The following CHAF1A variants were observed in gnomAD, a reference collection of about 807,000 sequenced individuals.
CHAF1A encodes chromatin assembly factor 1 subunit A.
CHAF1A carries 5 observed loss-of-function variants against 93.2 expected under a neutral mutation model. The observed-to-expected ratio is 0.05, with a 90% CI of 0.03 to 0.11. The LOEUF is 0.11. CHAF1A is among the 10% of genes least tolerant of loss of function. CHAF1A has a pLI of 1.00. For missense variants in CHAF1A, 1,102 were observed against 1,259.9 expected, an observed-to-expected ratio of 0.87 and a Z score of 1.90; for synonymous variants, 504 against 510.3, an observed-to-expected ratio of 0.99 and a Z score of 0.17.
At chr19:4,448,256 A>G (rs904470368), downstream of CHAF1A, 24 of 1,442,228 alleles carry the variant, frequency 1.7e-5, no homozygotes, top group Non-Finnish European at 2.2e-5. Flanking sequence ...TGACAGCCCC[A>G]GTGGGAGGGG....
intron 1 of CHAF1A, among the ~76,000 whole-genome samples, chr19:4,404,010 G>T (rs929859330): frequency 6.6e-6 from 1 of 151,638 alleles, no homozygotes; most frequent in Non-Finnish European, 1.5e-5. Flanking sequence ...TAGTAGAGAC[G>T]GGGTTTCACC....
downstream of CHAF1A, chr19:4,445,565 G>T (rs764795659): frequency 2.5e-6 from 4 of 1,613,832 alleles, no homozygotes; most frequent in East Asian, 2.2e-5. Context: ...GGCCCCCGCG[G>T]CCTTGATGTC....
In CHAF1A at chr19:4,402,740, G is replaced by A; in HGVS notation, c.-23G>A. 8.3e-7 allele frequency: 1 copy of A among 1,200,088 alleles called. No individual in the cohort carries two copies. Among genetic ancestry groups the A allele is most frequent in the East Asian group, 3.5e-5 (1 of 28,764 alleles). The allele number at this position is 1,200,088 out of a possible 1,614,324, so 74.3% of individuals were successfully genotyped here. A position where few individuals can be genotyped will look rare whatever the true frequency, so the allele number is the denominator to read the frequency against. On this transcript the variant is annotated 5_prime_UTR_variant, in exon 1 of 15. Transcript: ENST00000301280. ...AGCCCGCGCCTCCGCCGCCTGAGAG[G>A]AGGTCGAGCTGCCGCCGGGGCGATG...
downstream of CHAF1A, chr19:4,445,713 C>T (rs1322757185): frequency 2.6e-6 from 4 of 1,545,968 alleles, no homozygotes; most frequent in Non-Finnish European, 3.5e-6. Context: ...GCGGGGATGC[C>T]CCGGCCTGGA....
intron 1 of CHAF1A, among the ~76,000 whole-genome samples, chr19:4,404,925 C>T (rs1221121398): frequency 2.6e-5 from 4 of 152,134 alleles, no homozygotes; most frequent in African/African-American, 7.2e-5. Flanking sequence ...GCCTGGCAAG[C>T]TCAAAGTGCT....
At chr19:4,410,928 T>C (rs16992381) in intron 3 of CHAF1A, among the ~76,000 whole-genome samples, 7,278 of 152,288 alleles carry the variant, frequency 0.048, 374 homozygotes, top group African/African-American at 0.13. Flanking sequence ...AGCACAATGG[T>C]GTCCTTAAGG....
downstream of CHAF1A, chr19:4,450,004 C>T (rs1003661091): frequency 5.3e-5 from 8 of 151,950 alleles, no homozygotes; most frequent in East Asian, 1.9e-4. Flanking sequence ...CCGAGGCGGT[C>T]GGATCACGAG....
At chr19:4,412,858 C>T (rs1407564250) in intron 3 of CHAF1A, among the ~76,000 whole-genome samples, 1 of 152,134 alleles carries the variant, frequency 6.6e-6, no homozygotes, top group Non-Finnish European at 1.5e-5. Context: ...TGGCAGAAAG[C>T]GGCCACAACC....
downstream of CHAF1A, chr19:4,446,156 ACCCGTACACCGCC>A: frequency 7.5e-6 from 12 of 1,609,916 alleles, no homozygotes; most frequent in Non-Finnish European, 1.0e-5. Flanking sequence ...TCCCGGACGA[ACCCGTACACCGCC>A]CCCAGCCGCT....
At chr19:4,446,325 T>A, downstream of CHAF1A, 1 of 1,575,082 alleles carries the variant, frequency 6.3e-7, no homozygotes, top group Non-Finnish European at 8.6e-7. Context: ...CGCAGCAGCG[T>A]GTAGTTGTAC....
chr19:4,445,157 A>C, downstream of CHAF1A: 11 of 290,178 alleles, frequency 3.8e-5, no homozygotes, highest in Non-Finnish European at 6.0e-5. Flanking sequence ...GCACACGGGA[A>C]CAGGACCCAT....
intron 7 of CHAF1A, among the ~76,000 whole-genome samples, 177 bp from the exon 8 acceptor site, chr19:4,428,487 C>T (rs928425540): frequency 1.3e-5 from 2 of 152,170 alleles, no homozygotes; most frequent in Non-Finnish European, 2.9e-5. Flanking sequence ...TGCCAATCTG[C>T]CCTCTGCCCT....
chr19:4,438,607 C>T (rs948410970), intron 13 of CHAF1A, among the ~76,000 whole-genome samples: 54 of 152,242 alleles, frequency 3.5e-4, no homozygotes, highest in Admixed American at 1.6e-3. Context: ...TTCGGGCCTC[C>T]GTTTTATTTA....
chr19:4,409,439 C>T lies in CHAF1A; in HGVS notation c.640C>T (p.Pro214Ser). 6.2e-7 allele frequency: 1 copy of T among 1,613,998 alleles called. No homozygotes were observed. The highest frequency in any genetic ancestry group is 8.5e-7 in the Non-Finnish European group (1 of 1,179,988). Reference protein sequence around the residue: ...PRSCPELTSGPRMCPRKEQDS... With the variant: ...PRSCPELTSGSRMCPRKEQDS... ...GAGCTGCCCGGAGCTGACGAGTGGC[C>T]CGAGAATGTGCCCCAGAAAGGAGCA... The change falls in exon 3 of 15, where the codon CCG becomes TCG. Residue 214 changes from proline to serine, a missense_variant. This residue lies in a region of CHAF1A where 379 missense variants were observed against 365.7 expected (regional missense o/e 1.04). Coordinates refer to ENST00000301280, the MANE Select transcript of CHAF1A (RefSeq NM_005483.3).
chr19:4,430,659 G>A lies in CHAF1A; in HGVS notation c.1947+18G>A. 6.2e-7 allele frequency: 1 copy of A among 1,613,254 alleles called. No homozygotes were observed. The highest frequency in any genetic ancestry group is 1.7e-4 in the Middle Eastern group (1 of 6,018). On this transcript the variant is annotated intron_variant, in intron 11 of 14. Transcript: ENST00000301280. ...TGACAGAGGTGAGGGAGTGAAGGGG[G>A]AGGTCACCGGCTCAGCAAAAGTTCA... is the stretch of plus-strand genomic sequence containing the variant.
chr19:4,416,060 G>C (rs925838608), intron 3 of CHAF1A, among the ~76,000 whole-genome samples: 1 of 152,134 alleles, frequency 6.6e-6, no homozygotes, highest in African/African-American at 2.4e-5. Context: ...TATAGTCCCA[G>C]CTACTGGGCA....
downstream of CHAF1A, chr19:4,448,220 G>A (rs974019954): frequency 3.8e-5 from 42 of 1,103,822 alleles, no homozygotes; most frequent in Admixed American, 5.7e-4. Flanking sequence ...ACCCACCTCA[G>A]CAGGTAATGA....
rs199797586 is a variant in CHAF1A, at chr19:4,432,219, C to T, written c.2203+12C>T. 281 of 1,586,266 alleles carry T rather than the reference C, an allele frequency of 1.8e-4. No homozygotes were observed. The African/African-American group carries it at 2.7e-3, about 15-fold the overall frequency. ...GAGAGACGAGCAGAGTGAGTGTGGG[C>T]GGGGCCAGGCCACCCACCTGTTCCT... On this transcript the variant is annotated intron_variant, in intron 12 of 14. Transcript: ENST00000301280.
downstream of CHAF1A, among the ~76,000 whole-genome samples, chr19:4,444,328 A>T (rs547197370): frequency 6.6e-6 from 1 of 152,144 alleles, no homozygotes; most frequent in East Asian, 1.9e-4. Context: ...TGCCTTCCAC[A>T]CTGCAGGGCA....
Sources: gnomAD v4.1 joint callset for allele counts (sites outside exome capture counted in the v4.1 genomes callset) on GRCh38, gnomAD v4.1.1 for gene constraint, gnomAD v4.1.1 regional missense constraint, MANE v1.5 for transcripts, NCBI Gene and HGNC (gene_info 2026-07-23, HGNC 2026-07-21) for gene names.